Variants in NPAS3 observed in about 807,000 individuals in gnomAD.
NPAS3 encodes the protein neuronal PAS domain protein 3.
In NPAS3, 14 loss-of-function variants were observed where a neutral mutation model predicts 73.1. That is an observed-to-expected ratio of 0.19 (90% CI 0.13 to 0.30). The LOEUF (loss-of-function observed/expected upper bound fraction) is 0.30, where lower values mean the gene tolerates loss of function less well. NPAS3 is among the 10% of genes least tolerant of loss of function. The probability of loss-of-function intolerance (pLI) is 1.00; values close to 1 mark genes in which losing one functional copy is unlikely to be tolerated. For synonymous variants in NPAS3, 620 were observed against 541.5 expected (o/e 1.14, Z -2.01); for missense variants, 1,096 against 1,250.0 (o/e 0.88, Z 1.86).
intron 5 of NPAS3, among the ~76,000 whole-genome samples, chr14:33,630,567 G>A (rs1200877982): frequency 6.6e-6 from 1 of 152,190 alleles, no homozygotes; most frequent in Non-Finnish European, 1.5e-5. Flanking sequence ...TCAATGGATT[G>A]TATTGGCCAA....
At chr14:33,505,166 G>C (rs560171882) in intron 4 of NPAS3, among the ~76,000 whole-genome samples, 81 of 152,072 alleles carry the variant, frequency 5.3e-4, no homozygotes, top group Non-Finnish European at 9.7e-4. Context: ...TTAATAACAA[G>C]AATACATATC....
At chr14:33,169,920 C>T (rs183655988) in intron 2 of NPAS3, among the ~76,000 whole-genome samples, 103 of 152,306 alleles carry the variant, frequency 6.8e-4, no homozygotes, top group African/African-American at 2.3e-3. Flanking sequence ...ATCTGGAAAA[C>T]TTTTCTTTAC....
intron 1 of NPAS3, among the ~76,000 whole-genome samples, chr14:33,034,750 A>G (rs1268094232): frequency 2.6e-5 from 4 of 152,058 alleles, no homozygotes; most frequent in African/African-American, 9.7e-5. Context: ...AGATTATAGT[A>G]CTCTCAGAGA....
At chr14:33,305,046 C>A (rs2042702748) in intron 3 of NPAS3, among the ~76,000 whole-genome samples, 1 of 152,000 alleles carries the variant, frequency 6.6e-6, no homozygotes, top group Admixed American at 6.5e-5. Flanking sequence ...AATAACTAGG[C>A]AAATAATTAC....
chr14:33,709,046 C>G (rs1487442881), intron 6 of NPAS3, among the ~76,000 whole-genome samples: 1 of 152,136 alleles, frequency 6.6e-6, no homozygotes, highest in Non-Finnish European at 1.5e-5. Context: ...GATCGGAAAG[C>G]CCAAGTGAGA....
intron 4 of NPAS3, among the ~76,000 whole-genome samples, chr14:33,372,185 A>G (rs2046119415): frequency 6.6e-6 from 1 of 152,182 alleles, no homozygotes; most frequent in Non-Finnish European, 1.5e-5. Context: ...TCACTGCATC[A>G]GGTACCAAAG....
chr14:33,450,956 C>A (rs575949420), intron 4 of NPAS3, among the ~76,000 whole-genome samples: 3 of 152,212 alleles, frequency 2.0e-5, no homozygotes, highest in African/African-American at 7.2e-5. Context: ...TGTCATAAGT[C>A]TTTTTACAAT....
At chr14:32,996,623 C>T (rs1456487000) in intron 1 of NPAS3, among the ~76,000 whole-genome samples, 1 of 146,818 alleles carries the variant, frequency 6.8e-6, no homozygotes, top group Non-Finnish European at 1.5e-5. Context: ...GCCATGGCTT[C>T]AGAGGGTGCA....
intron 2 of NPAS3, among the ~76,000 whole-genome samples, chr14:33,179,841 A>T (rs577746772): frequency 6.6e-6 from 1 of 152,246 alleles, no homozygotes; most frequent in Non-Finnish European, 1.5e-5. Context: ...CTAAATGCAC[A>T]TGAATCAGTC....
intron 4 of NPAS3, among the ~76,000 whole-genome samples, chr14:33,520,348 G>A (rs1226127436): frequency 6.6e-6 from 1 of 152,116 alleles, no homozygotes; most frequent in Non-Finnish European, 1.5e-5. Context: ...AATCTCAGAT[G>A]TTGTGTGTGC....
intron 2 of NPAS3, among the ~76,000 whole-genome samples, chr14:33,058,449 GTTAC>G (rs2040971053): frequency 6.6e-6 from 1 of 152,186 alleles, no homozygotes; most frequent in African/African-American, 2.4e-5. Flanking sequence ...CTTTGGGCAA[GTTAC>G]TTAATCTCCT....
chr14:33,295,036 A>G (rs1051427388), intron 3 of NPAS3, among the ~76,000 whole-genome samples: 1 of 152,234 alleles, frequency 6.6e-6, no homozygotes. Flanking sequence ...ATAATTTTAT[A>G]GAAAAAATAG....
chr14:33,144,645 G>A (rs1050651915), intron 2 of NPAS3, among the ~76,000 whole-genome samples: 6 of 152,164 alleles, frequency 3.9e-5, no homozygotes, highest in Admixed American at 2.0e-4. Flanking sequence ...GGGATCAAGC[G>A]ATCCTCCTGC....
At chr14:33,047,603 T>A (rs2040554334) in intron 1 of NPAS3, among the ~76,000 whole-genome samples, 1 of 152,200 alleles carries the variant, frequency 6.6e-6, no homozygotes, top group Admixed American at 6.5e-5. Context: ...TCAAGACAGA[T>A]CCTGAAGAAT....
intron 5 of NPAS3, among the ~76,000 whole-genome samples, chr14:33,657,869 G>C (rs1052801696): frequency 3.3e-5 from 5 of 152,214 alleles, no homozygotes; most frequent in African/African-American, 1.2e-4. Flanking sequence ...CTAGTTCTAG[G>C]TGAGGGATGT....
chr14:33,441,909 A>G (rs1369048126), intron 4 of NPAS3, among the ~76,000 whole-genome samples: 3 of 152,162 alleles, frequency 2.0e-5, no homozygotes, highest in Non-Finnish European at 4.4e-5. Context: ...ACCCTCCCCC[A>G]TGATTCAATT....
At chr14:33,188,857 T>C (rs1365000406) in intron 2 of NPAS3, among the ~76,000 whole-genome samples, 1 of 152,172 alleles carries the variant, frequency 6.6e-6, no homozygotes, top group African/African-American at 2.4e-5. Flanking sequence ...CTGAAAAATA[T>C]AGATATTTGG....
At chr14:33,556,727 C>G (rs1331522346) in intron 4 of NPAS3, among the ~76,000 whole-genome samples, 1 of 152,230 alleles carries the variant, frequency 6.6e-6, no homozygotes, top group Non-Finnish European at 1.5e-5. Flanking sequence ...CTGATCTTGT[C>G]TGGCCACTTA....
At chr14:33,573,519 A>G (rs536604270) in intron 5 of NPAS3, among the ~76,000 whole-genome samples, 1 of 151,850 alleles carries the variant, frequency 6.6e-6, no homozygotes, top group African/African-American at 2.4e-5. Context: ...GAATTTACTG[A>G]AGAAAAAGTA....
Sources: gnomAD v4.1 joint callset for allele counts (sites outside exome capture counted in the v4.1 genomes callset) on GRCh38, gnomAD v4.1.1 for gene constraint, MANE v1.5 for transcripts, NCBI Gene and HGNC (gene_info 2026-07-23, HGNC 2026-07-21) for gene names.